TMEM171: variants seen among roughly 807,000 people sequenced by gnomAD.
TMEM171 encodes proline-rich protein PRP2.
A neutral mutation model predicts 19.1 loss-of-function variants in TMEM171; 16 were observed. That is an observed-to-expected ratio of 0.84 (90% CI 0.57 to 1.27). The LOEUF is 1.27. Among genes scored for constraint, TMEM171 ranks in the 50% most tolerant of loss-of-function variants. TMEM171 has a pLI of 0.00. For missense variants in TMEM171, 429 were observed against 412.7 expected (o/e 1.04, Z -0.34); for synonymous variants, 153 against 163.4 (o/e 0.94, Z 0.48).
intron 2 of TMEM171, among the ~76,000 whole-genome samples, chr5:73,127,910 TTTTTC>T (rs899524906): frequency 9.9e-5 from 15 of 151,770 alleles, no homozygotes; most frequent in Admixed American, 4.6e-4. Context: ...CTGGCTAAAT[TTTTTC>T]TTTTAATTTT....
chr5:73,126,843 C>T (rs1744175371), intron 2 of TMEM171, among the ~76,000 whole-genome samples: 1 of 152,208 alleles, frequency 6.6e-6, no homozygotes, highest in African/African-American at 2.4e-5. Flanking sequence ...GCCAGCTTCT[C>T]AGAGGCTTTC....
chr5:73,129,798 C>T (rs1286490695), intron 3 of TMEM171, among the ~76,000 whole-genome samples: 3 of 152,176 alleles, frequency 2.0e-5, no homozygotes, highest in South Asian at 2.1e-4. Context: ...CTCTGATGGC[C>T]GTGCTTGGGT....
Position 73,131,769 on chromosome 5 carries a change from CTA to C in TMEM171, c.*41_*42del. 1 of 1,469,126 alleles carries C rather than the reference CTA, an allele frequency of 6.8e-7. No individual in the cohort carries two copies. Among genetic ancestry groups the C allele is most frequent in the Non-Finnish European group, 9.1e-7 (1 of 1,101,490 alleles). 91.0% of individuals were successfully genotyped at this position (1,469,126 alleles called of 1,614,324 possible). A position where few individuals can be genotyped will look rare whatever the true frequency, so the allele number is the denominator to read the frequency against. On this transcript the variant is annotated 3_prime_UTR_variant, in exon 4 of 4. Coordinates refer to ENST00000454765, the MANE Select transcript of TMEM171 (RefSeq NM_173490.8). The stretch of plus-strand genomic sequence containing the variant: ...GTTCAGTTTTATATGCAATGGATCA[CTA>C]TTTTATTTAATTTTTTTTAAATAAA...
chr5:73,127,296 A>G (rs1416785152), intron 2 of TMEM171, among the ~76,000 whole-genome samples: 1 of 150,494 alleles, frequency 6.6e-6, no homozygotes, highest in Non-Finnish European at 1.5e-5. Context: ...TACAAAATAT[A>G]GACCTGCTTT....
At chr5:73,122,355 A>C (rs1744026903) in intron 1 of TMEM171, among the ~76,000 whole-genome samples, 1 of 152,194 alleles carries the variant, frequency 6.6e-6, no homozygotes, top group Non-Finnish European at 1.5e-5. Flanking sequence ...TCCCAGATCC[A>C]AGCAACTGGG....
chr5:73,124,921 A>G (rs76427256), intron 2 of TMEM171, among the ~76,000 whole-genome samples: 16,075 of 152,238 alleles, frequency 0.11, 933 homozygotes, highest in Middle Eastern at 0.16. Context: ...AAGTTGTGAA[A>G]CCACTGACAT....
At chr5:73,130,674 G>A (rs1744306893) in intron 3 of TMEM171, among the ~76,000 whole-genome samples, 1 of 152,028 alleles carries the variant, frequency 6.6e-6, no homozygotes, top group Non-Finnish European at 1.5e-5. Context: ...GGAAAGAGGT[G>A]GCTGACAAGG....
Position 73,128,440 on chromosome 5 carries a change from T to C in TMEM171, c.691T>C (p.Ser231Pro), listed in dbSNP as rs1744240019. 1 of 1,614,070 alleles carries C rather than the reference T, an allele frequency of 6.2e-7. No homozygotes were observed. The highest frequency in any genetic ancestry group is 8.5e-7 in the Non-Finnish European group (1 of 1,180,046). ...CCCTCCACCACCTTACTTTCCTGAA[T>C]CTTCAGCTTCTGCGGTCGCTGAGAG... Reference protein sequence around the residue: ...PPPPPPYFPESSASAVAESPG... With the variant: ...PPPPPPYFPEPSASAVAESPG... Residue 231 changes from serine to proline, a missense_variant, in exon 3 of 4, where the codon TCT (serine) becomes CCT (proline). Ser to Pro is a moderately conservative substitution (Grantham distance 74). Coordinates refer to ENST00000454765, the MANE Select transcript of TMEM171 (RefSeq NM_173490.8).
At chr5:73,122,682 A>G (rs1323990930) in intron 1 of TMEM171, among the ~76,000 whole-genome samples, 1 of 152,240 alleles carries the variant, frequency 6.6e-6, no homozygotes, top group Non-Finnish European at 1.5e-5. Flanking sequence ...TACAGGCGCA[A>G]GCCACCACGC....
chr5:73,124,720 C>T (rs891387124), intron 2 of TMEM171, among the ~76,000 whole-genome samples: 1 of 152,158 alleles, frequency 6.6e-6, no homozygotes, highest in African/African-American at 2.4e-5. Flanking sequence ...GCACCTTTCT[C>T]CCGTGGAATG....
At chr5:73,129,370 A>C (rs1190778724) in intron 3 of TMEM171, among the ~76,000 whole-genome samples, 3 of 152,198 alleles carry the variant, frequency 2.0e-5, no homozygotes, top group African/African-American at 7.2e-5. Flanking sequence ...TGTCCTATGC[A>C]AATGTCTGAT....
chr5:73,122,423 T>G (rs1047003456), intron 1 of TMEM171, among the ~76,000 whole-genome samples: 1 of 152,210 alleles, frequency 6.6e-6, no homozygotes, highest in Non-Finnish European at 1.5e-5. Flanking sequence ...TTGTTTTGTT[T>G]TTGGCAGGGT....
At chr5:73,122,309 T>A (rs937179462) in intron 1 of TMEM171, among the ~76,000 whole-genome samples, 41 of 152,194 alleles carry the variant, frequency 2.7e-4, no homozygotes, top group Admixed American at 1.3e-4. Context: ...AAAATTGAGC[T>A]CCTGTTGACC....
chr5:73,122,902 C>T (rs1450562994), intron 1 of TMEM171, among the ~76,000 whole-genome samples: 2 of 152,174 alleles, frequency 1.3e-5, no homozygotes, highest in East Asian at 1.9e-4. Flanking sequence ...ATGCTGAGAG[C>T]AGCTATGATG....
intron 1 of TMEM171, among the ~76,000 whole-genome samples, chr5:73,120,945 A>T (rs1410033464): frequency 6.6e-6 from 1 of 152,096 alleles, no homozygotes; most frequent in African/African-American, 2.4e-5. Context: ...GGACGTGGAG[A>T]GGTGCTGTGA....
In TMEM171 at chr5:73,123,887, C is replaced by T. The variant is rs1328142722; in HGVS notation, c.514C>T (p.Leu172Phe). 1 of 1,614,050 alleles carries T rather than the reference C, an allele frequency of 6.2e-7. No individual in the cohort carries two copies. The highest frequency in any genetic ancestry group is 8.5e-7 in the Non-Finnish European group (1 of 1,179,990). Reference sequence around the variant, plus strand: ...GCAGATCATGGGGCCCTTGATTGTGCTTGTGGGATTGTGTTTCTTCGTGGT... The same window carrying T: ...GCAGATCATGGGGCCCTTGATTGTGTTTGTGGGATTGTGTTTCTTCGTGGT... ...SLQIMGPLIVLVGLCFFVVAH... is the reference protein window; with the variant it reads ...SLQIMGPLIVFVGLCFFVVAH... Residue 172 changes from leucine (L) to phenylalanine (F), a missense_variant, in exon 2 of 4, where the codon CTT becomes TTT. Physicochemically the swap from Leu to Phe is conservative, Grantham distance 22. Transcript: ENST00000454765.
At chr5:73,130,591 G>T (rs1389830409) in intron 3 of TMEM171, among the ~76,000 whole-genome samples, 1 of 152,128 alleles carries the variant, frequency 6.6e-6, no homozygotes, top group Non-Finnish European at 1.5e-5. Context: ...TTTCTCTGGG[G>T]CCTGGAGGGA....
chr5:73,129,154 T>C (rs1744266494), intron 3 of TMEM171, among the ~76,000 whole-genome samples: 1 of 152,054 alleles, frequency 6.6e-6, no homozygotes, highest in Non-Finnish European at 1.5e-5. Flanking sequence ...TTATTGAAAA[T>C]GGAAGTACAC....
chr5:73,128,388 A>T lies in TMEM171; in HGVS notation c.641-2A>T, dbSNP rs530844376. The T allele has an allele frequency of 6.2e-7, 1 of 1,614,084 alleles. No individual in the cohort carries two copies. The highest frequency in any genetic ancestry group is 1.7e-5 in the Admixed American group (1 of 60,000). On this transcript the variant is annotated splice_acceptor_variant, in intron 2 of 3. Coordinates refer to ENST00000454765, the MANE Select transcript of TMEM171 (RefSeq NM_173490.8). LOFTEE classifies it high-confidence loss of function. The stretch of plus-strand genomic sequence containing the variant: ...TGTCAACTAAATATTGTTTTGCCTT[A>T]GGTGACTCGGTAATAATATTTCCAC...
Sources: allele counts gnomAD v4.1 joint callset (sites outside exome capture counted in the v4.1 genomes callset), GRCh38; gene constraint gnomAD v4.1.1; transcripts MANE v1.5; gene names NCBI Gene and HGNC (gene_info 2026-07-23, HGNC 2026-07-21).